Variants in DENND6A observed in about 807,000 individuals in gnomAD.
DENND6A encodes protein DENND6A.
In DENND6A, 43 loss-of-function variants were observed where a neutral mutation model predicts 95.5. The observed-to-expected ratio is 0.45, with a 90% CI of 0.35 to 0.58. DENND6A has a LOEUF of 0.58. Among genes scored for constraint, DENND6A ranks in the 20% least tolerant of loss-of-function variants. The pLI is 0.00. For missense variants in DENND6A, 574 were observed against 736.0 expected (o/e 0.78, Z 2.55); for synonymous variants, 257 against 260.4 (o/e 0.99, Z 0.13).
intron 1 of DENND6A, among the ~76,000 whole-genome samples, chr3:57,675,936 G>A (rs73086491): frequency 0.13 from 19,398 of 152,018 alleles, 1,356 homozygotes; most frequent in South Asian, 0.21. Flanking sequence ...ACATTATACC[G>A]GAGGTGCCTC....
intron 9 of DENND6A, among the ~76,000 whole-genome samples, chr3:57,652,856 A>G (rs2071238379): frequency 6.6e-6 from 1 of 152,260 alleles, no homozygotes; most frequent in Non-Finnish European, 1.5e-5. Flanking sequence ...TATCAGGATC[A>G]TGAAAGTCAG....
intron 18 of DENND6A, chr3:57,630,207 ACACAC>A: frequency 2.1e-6 from 1 of 469,040 alleles, no homozygotes; most frequent in Non-Finnish European, 3.6e-6. Context: ...GCAGTTCATA[ACACAC>A]CTACCTCAAA....
At chr3:57,669,234 T>C (rs1042608308) in intron 3 of DENND6A, among the ~76,000 whole-genome samples, 2 of 151,974 alleles carry the variant, frequency 1.3e-5, no homozygotes, top group Admixed American at 6.6e-5. Context: ...CAACTGAAAA[T>C]AGCAATTTCA....
intron 1 of DENND6A, among the ~76,000 whole-genome samples, chr3:57,682,866 C>T (rs112645854): frequency 3.9e-5 from 6 of 152,186 alleles, no homozygotes; most frequent in African/African-American, 1.4e-4. Flanking sequence ...TCAGTAGAGA[C>T]GGAGTTTCGC....
At position 57,691,850 on chromosome 3, in the gene DENND6A, T is replaced by C. The variant is rs17058458; in HGVS notation, c.237+932A>G. 0.015 allele frequency among the ~76,000 whole-genome samples: 2,276 copies of C among 151,876 alleles called. 126 individuals are homozygous for C. The East Asian group carries it at 0.21, about 14-fold the overall frequency. On this transcript the variant is annotated intron_variant, in intron 1 of 19. Transcript: ENST00000311128. ...GGGGCCATACATAAGAATGGAAAAG[T>C]TGACTGATTGACAAGCAAATGATGT...
At chr3:57,661,306 GTTTTATACC>G (rs2071419101) in intron 6 of DENND6A, 131 bp downstream of exon 6, 2 of 651,794 alleles carry the variant, frequency 3.1e-6, no homozygotes, top group Non-Finnish European at 4.8e-6. Context: ...CAGAAAAATA[GTTTTATACC>G]TTTCTCCTAT....
chr3:57,636,429 A>C (rs1488088625), intron 12 of DENND6A, among the ~76,000 whole-genome samples: 5 of 152,222 alleles, frequency 3.3e-5, no homozygotes. Context: ...AGATACTGGC[A>C]ATACAGGAAC....
intron 12 of DENND6A, among the ~76,000 whole-genome samples, chr3:57,640,803 T>A (rs977029708): frequency 6.6e-6 from 1 of 152,004 alleles, no homozygotes; most frequent in African/African-American, 2.4e-5. Context: ...ATTTAAAAAA[T>A]TTTCTCATAT....
Position 57,660,768 on chromosome 3 carries a change from C to T in DENND6A, c.691G>A (p.Val231Ile), listed in dbSNP as rs773492964. The change falls in exon 7 of 20, where the codon GTA becomes ATA. Residue 231 changes from valine to isoleucine, a missense_variant. Physicochemically the swap from Val to Ile is conservative, Grantham distance 29. Transcript: ENST00000311128. ...GAGATATAAGATATTACCTTCATTA[C>T]CACCCCCATGATTGGCAGGTGTAAT... ...KTLHLPIMGV[V>I]MKVRIPTCHD... 68 of 1,606,982 alleles carry T rather than the reference C, an allele frequency of 4.2e-5. No individual in the cohort carries two copies. Among genetic ancestry groups the T allele is most frequent in the Admixed American group, 2.5e-4 (15 of 59,022 alleles).
At chr3:57,629,907 T>G (rs2070628935) in intron 18 of DENND6A, among the ~76,000 whole-genome samples, 1 of 152,192 alleles carries the variant, frequency 6.6e-6, no homozygotes, top group Non-Finnish European at 1.5e-5. Context: ...CTTCTTGGAT[T>G]AGAATCCTTA....
chr3:57,675,091 CAT>C (rs2153416649), intron 1 of DENND6A, among the ~76,000 whole-genome samples: 1 of 152,218 alleles, frequency 6.6e-6, no homozygotes, highest in African/African-American at 2.4e-5. Context: ...AGTTTATGTA[CAT>C]GTTTATGTAA....
chr3:57,657,854 T>C, intron 8 of DENND6A, 119 bp from the exon 9 acceptor site: 5 of 595,074 alleles, frequency 8.4e-6, no homozygotes, highest in Non-Finnish European at 1.5e-5. Flanking sequence ...AAGATTCTCT[T>C]CCTTTAGGAA....
At chr3:57,663,572 C>T in intron 5 of DENND6A, 64 bp downstream of exon 5, 3 of 1,143,368 alleles carry the variant, frequency 2.6e-6, no homozygotes, top group Non-Finnish European at 2.4e-6. Context: ...TTAAATCTAA[C>T]ACTTTCTATT....
intron 11 of DENND6A, 106 bp from the exon 12 acceptor site, chr3:57,641,853 A>C (rs9816093): frequency 0.84 from 683,003 of 813,006 alleles, 288,613 homozygotes; most frequent in East Asian, 1. Flanking sequence ...ACACAGATTG[A>C]TTTTTCCTTT....
chr3:57,644,393 C>T (rs944972606), intron 11 of DENND6A, among the ~76,000 whole-genome samples: 1 of 151,796 alleles, frequency 6.6e-6, no homozygotes, highest in Non-Finnish European at 1.5e-5. Context: ...GCAACCTCTG[C>T]CTCCTAGGCT....
chr3:57,674,654 A>G (rs1201907257), intron 1 of DENND6A, among the ~76,000 whole-genome samples: 1 of 152,180 alleles, frequency 6.6e-6, no homozygotes, highest in Non-Finnish European at 1.5e-5. Context: ...ATAAATAAAT[A>G]AGATAAAATA....
chr3:57,653,573 C>T (rs928687471), intron 9 of DENND6A, among the ~76,000 whole-genome samples: 2 of 151,490 alleles, frequency 1.3e-5, no homozygotes, highest in African/African-American at 4.8e-5. Context: ...GGTGAAACCC[C>T]GTCTCTACTA....
intron 1 of DENND6A, among the ~76,000 whole-genome samples, chr3:57,687,682 T>C (rs962641489): frequency 1.3e-5 from 2 of 152,142 alleles, no homozygotes; most frequent in African/African-American, 4.8e-5. Flanking sequence ...TCTGTAATCC[T>C]AGCACTTTAG....
chr3:57,628,058 GTC>G lies in DENND6A; in HGVS notation c.*154_*155del. ...CTTTAAAAAGTAATGCACTAAAAAG[GTC>G]TGTTTATACAATACAGTCTTTCTAC... On this transcript the variant is annotated 3_prime_UTR_variant, in exon 20 of 20. Coordinates refer to ENST00000311128, the MANE Select transcript of DENND6A (RefSeq NM_152678.3). 1 of 1,032,236 alleles carries G rather than the reference GTC, an allele frequency of 9.7e-7. No homozygotes were observed. Among genetic ancestry groups the G allele is most frequent in the Non-Finnish European group, 1.3e-6 (1 of 741,476 alleles). 63.9% of individuals were successfully genotyped at this position (1,032,236 alleles called of 1,614,324 possible).
Sources: gnomAD v4.1 joint callset for allele counts (sites outside exome capture counted in the v4.1 genomes callset) on GRCh38, gnomAD v4.1.1 for gene constraint, MANE v1.5 for transcripts, NCBI Gene and HGNC (gene_info 2026-07-23, HGNC 2026-07-21) for gene names.